Variants in CDC20B observed in about 807,000 individuals in gnomAD.
CDC20B encodes cell division cycle protein 20 homolog B.
CDC20B carries 58 observed loss-of-function variants against 64.1 expected under a neutral mutation model. That is an observed-to-expected ratio of 0.90 (90% confidence interval 0.73 to 1.13). The LOEUF is 1.13. Ranked by LOEUF, CDC20B falls within the 50% of genes most tolerant of loss-of-function variation. The pLI is 0.00. For missense variants in CDC20B, 597 were observed against 633.0 expected, an observed-to-expected ratio of 0.94 and a Z score of 0.61; for synonymous variants, 243 against 230.6, an observed-to-expected ratio of 1.05 and a Z score of -0.49.
intron 2 of CDC20B, among the ~76,000 whole-genome samples, chr5:55,168,083 G>C (rs1408313492): frequency 6.6e-6 from 1 of 151,848 alleles, no homozygotes; most frequent in African/African-American, 2.4e-5. Flanking sequence ...TCCTCTGCTT[G>C]ATTTTATCTT....
At chr5:55,149,321 A>T (rs1465171325) in intron 2 of CDC20B, among the ~76,000 whole-genome samples, 1 of 152,236 alleles carries the variant, frequency 6.6e-6, no homozygotes, top group African/African-American at 2.4e-5. Flanking sequence ...GTGATACCTC[A>T]AAAAGATAAA....
Position 55,172,995 on chromosome 5 carries a change from C to T in CDC20B, c.6G>A (p.Glu2=), listed in dbSNP as rs1278392218. 6.2e-6 allele frequency: 10 copies of T among 1,611,566 alleles called. No individual in the cohort carries two copies. Among genetic ancestry groups the T allele is most frequent in the Non-Finnish European group, 7.6e-6 (9 of 1,179,108 alleles). M[E]WKLERTAPRR... is the part of the protein sequence containing the mutation. ...GAGGCGCGGTGCGCTCCAGTTTCCA[C>T]TCCATCTCCGGCTGACTTCGCCCTG... Residue 2 remains glutamate (E), a synonymous_variant, in exon 1 of 12, where the codon GAG becomes GAA. Coordinates refer to ENST00000381375, the MANE Select transcript of CDC20B (RefSeq NM_001170402.1).
At chr5:55,122,865 GTCTGA>G (rs1742792811) in intron 9 of CDC20B, among the ~76,000 whole-genome samples, 1 of 152,188 alleles carries the variant, frequency 6.6e-6, no homozygotes, top group Non-Finnish European at 1.5e-5. Flanking sequence ...TTCCGATGCT[GTCTGA>G]CTGCAACCTC....
intron 6 of CDC20B, among the ~76,000 whole-genome samples, chr5:55,130,990 T>C (rs543019783): frequency 6.6e-6 from 1 of 151,930 alleles, no homozygotes; most frequent in Admixed American, 6.6e-5. Context: ...GGCATGGTGA[T>C]ATGTGCCTGT....
At position 55,154,347 on chromosome 5, in the gene CDC20B, C is replaced by A. The variant is rs28602836; in HGVS notation, c.127-7491G>T. On this transcript the variant is annotated intron_variant, in intron 2 of 11. Transcript: ENST00000381375. Reference sequence around the variant, plus strand: ...CCAGGCTGGGCAAGTGAGACCCCATCTCTAAAATAAAAATCAAAAAACTAG... The same window carrying A: ...CCAGGCTGGGCAAGTGAGACCCCATATCTAAAATAAAAATCAAAAAACTAG... Among the ~76,000 whole-genome samples, 953 of 152,170 alleles carry A rather than the reference C, an allele frequency of 6.3e-3. 9 individuals are homozygous for A. The highest frequency in any genetic ancestry group is 0.021 in the African/African-American group (888 of 41,502).
intron 6 of CDC20B, 103 bp downstream of exon 6, chr5:55,133,309 G>T: frequency 1.9e-6 from 1 of 530,600 alleles, no homozygotes; most frequent in Non-Finnish European, 3.3e-6. Context: ...TTGGATATGA[G>T]ACATAAAGGC....
At chr5:55,164,218 A>C in intron 2 of CDC20B, 1 of 1,531,586 alleles carries the variant, frequency 6.5e-7, no homozygotes, top group South Asian at 1.3e-5. Flanking sequence ...AGGATCTATG[A>C]GAATGCCATT....
At chr5:55,172,416 T>G (rs1744631512) in intron 2 of CDC20B, 172 bp downstream of exon 2, 1 of 578,770 alleles carries the variant, frequency 1.7e-6, no homozygotes. Context: ...GATTGCATTA[T>G]TTGTCTGGGA....
chr5:55,140,300 T>G lies in CDC20B; in HGVS notation c.580+14A>C. 6.4e-7 allele frequency: 1 copy of G among 1,560,158 alleles called. No individual in the cohort carries two copies. Among genetic ancestry groups the G allele is most frequent in the Non-Finnish European group, 8.7e-7 (1 of 1,143,170 alleles). ...AGGAGCGCAGGAAAGAAGGACAATG[T>G]CTTGATCCTGTACCTTTCCAAACAC... On this transcript the variant is annotated intron_variant, in intron 5 of 11. Coordinates refer to ENST00000381375, the MANE Select transcript of CDC20B (RefSeq NM_001170402.1).
intron 6 of CDC20B, among the ~76,000 whole-genome samples, chr5:55,129,577 G>A (rs1742977638): frequency 6.6e-6 from 1 of 152,224 alleles, no homozygotes; most frequent in African/African-American, 2.4e-5. Context: ...CCAAAAGAAA[G>A]AGATCCTCTG....
At chr5:55,133,333 C>A in intron 6 of CDC20B, 79 bp downstream of exon 6, 3 of 649,742 alleles carry the variant, frequency 4.6e-6, no homozygotes, top group South Asian at 3.5e-5. Context: ...CTGGTTTAAT[C>A]AAATTTCAAG....
chr5:55,143,673 G>T (rs781197249), intron 3 of CDC20B, 30 bp from the exon 4 acceptor site: 4 of 1,555,982 alleles, frequency 2.6e-6, no homozygotes, highest in Non-Finnish European at 3.5e-6. Context: ...CTTTGAATTT[G>T]GTTTTTAAAA....
At chr5:55,172,338 C>T (rs75661995) in intron 2 of CDC20B, 165 of 440,812 alleles carry the variant, frequency 3.7e-4, no homozygotes, top group African/African-American at 3.0e-3. Context: ...ACACTGCCTA[C>T]CTGACACATC....
intron 2 of CDC20B, 95 bp from the exon 3 acceptor site, chr5:55,146,951 C>A (rs1431464477): frequency 9.6e-6 from 6 of 627,430 alleles, no homozygotes; most frequent in African/African-American, 3.8e-5. Flanking sequence ...TCATCTAGTA[C>A]AACACCAATA....
In CDC20B at chr5:55,146,632, A is replaced by G; in HGVS notation, c.351T>C (p.Thr117=). Residue 117 remains threonine (T), a synonymous_variant, in exon 3 of 12, where the codon ACT becomes ACC. Transcript: ENST00000381375. ...LKTPPEKETL[T]LGSRKEQLKT... is the part of the protein sequence containing the mutation. ...GTGGCGTTTGGGGCACCTCACCTAG[A>G]GTCAAGGTCTCTTTCTCAGGCGGTG... is the stretch of plus-strand genomic sequence containing the variant. 2 of 1,613,398 alleles carry G rather than the reference A, an allele frequency of 1.2e-6. No individual in the cohort carries two copies. Among genetic ancestry groups the G allele is most frequent in the Non-Finnish European group, 1.7e-6 (2 of 1,179,486 alleles).
In CDC20B at chr5:55,133,407, C is replaced by T; in HGVS notation, c.697+5G>A. 3 of 1,429,426 alleles carry T rather than the reference C, an allele frequency of 2.1e-6. No homozygotes were observed. Among genetic ancestry groups the T allele is most frequent in the Non-Finnish European group, 1.9e-6 (2 of 1,031,910 alleles). The allele number at this position is 1,429,426 out of a possible 1,614,324, so 88.5% of individuals were successfully genotyped here. On this transcript the variant is annotated splice_donor_5th_base_variant and intron_variant, in intron 6 of 11. Transcript: ENST00000381375. ...TTTTAATTCCCAATCTAAATGATAA[C>T]TTACAGTAGTCATTTCGAAGACCAG... is the stretch of plus-strand genomic sequence containing the variant.
chr5:55,138,449 C>T (rs1468580899), intron 5 of CDC20B, among the ~76,000 whole-genome samples: 2 of 151,990 alleles, frequency 1.3e-5, no homozygotes, highest in East Asian at 1.9e-4. Flanking sequence ...CTTGACCCAC[C>T]GCGCCTATAC....
At chr5:55,127,215 T>C (rs1742914417) in intron 8 of CDC20B, 42 bp downstream of exon 8, 2 of 1,526,664 alleles carry the variant, frequency 1.3e-6, no homozygotes, top group African/African-American at 1.4e-5. Flanking sequence ...CATAATCAAT[T>C]GTTAATACAA....
At chr5:55,160,649 C>CTT in intron 2 of CDC20B, 1 of 492,272 alleles carries the variant, frequency 2.0e-6, no homozygotes, top group South Asian at 3.1e-5. Flanking sequence ...TTGGAAAATA[C>CTT]TTATAGTTAG....
Sources: allele counts gnomAD v4.1 joint callset (sites outside exome capture counted in the v4.1 genomes callset), GRCh38; gene constraint gnomAD v4.1.1; transcripts MANE v1.5; gene names NCBI Gene and HGNC (gene_info 2026-07-23, HGNC 2026-07-21).